Variants in EXOC6B observed in about 807,000 individuals in gnomAD.
EXOC6B encodes exocyst complex component 6B, also known as SEC15 homolog B.
EXOC6B carries 54 observed loss-of-function variants against 113.5 expected under a neutral mutation model. That is an observed-to-expected ratio of 0.48 (90% CI 0.38 to 0.60). The LOEUF (loss-of-function observed/expected upper bound fraction) is 0.60. Ranked by LOEUF, EXOC6B falls within the 20% of genes least tolerant of loss-of-function variation. The pLI, the probability that EXOC6B is intolerant of heterozygous loss-of-function variation, is 0.00. For missense variants in EXOC6B, 797 were observed against 977.5 expected (o/e 0.82, Z 2.46); for synonymous variants, 357 against 339.0 (o/e 1.05, Z -0.58).
intron 19 of EXOC6B, among the ~76,000 whole-genome samples, chr2:72,356,594 T>C (rs575750108): frequency 6.6e-6 from 1 of 152,274 alleles, no homozygotes; most frequent in Non-Finnish European, 1.5e-5. Context: ...GTAAACAGTA[T>C]AAGGCAGACT....
chr2:72,197,003 G>T (rs557482898), intron 20 of EXOC6B, among the ~76,000 whole-genome samples: 1 of 152,146 alleles, frequency 6.6e-6, no homozygotes, highest in Non-Finnish European at 1.5e-5. Context: ...CTGCCAAAAA[G>T]TTGGGCATGA....
intron 20 of EXOC6B, among the ~76,000 whole-genome samples, chr2:72,213,607 C>A (rs1469395868): frequency 6.6e-6 from 1 of 152,134 alleles, no homozygotes; most frequent in Non-Finnish European, 1.5e-5. Context: ...GATAGGGAGC[C>A]TTCAAGGTGT....
chr2:72,464,937 C>T (rs1055924612), intron 18 of EXOC6B: 4 of 566,596 alleles, frequency 7.1e-6, no homozygotes, highest in African/African-American at 1.9e-5. Context: ...GATAAGCAGA[C>T]ATAATACCAG....
chr2:72,260,111 GA>G (rs1413624889), intron 20 of EXOC6B, among the ~76,000 whole-genome samples: 1 of 152,000 alleles, frequency 6.6e-6, no homozygotes, highest in East Asian at 1.9e-4. Context: ...GAGAAAGAAA[GA>G]AAATGTAGCA....
At chr2:72,758,429 C>A (rs1461402509) in intron 1 of EXOC6B, among the ~76,000 whole-genome samples, 1 of 151,364 alleles carries the variant, frequency 6.6e-6, no homozygotes, top group Non-Finnish European at 1.5e-5. Context: ...AGTCCACTTA[C>A]AAGATATGCA....
At chr2:72,462,655 G>A (rs1697771555) in intron 18 of EXOC6B, 1 of 151,974 alleles carries the variant, frequency 6.6e-6, no homozygotes, top group South Asian at 2.1e-4. Context: ...TGAATCTGCT[G>A]ACATCTTAAT....
intron 7 of EXOC6B, among the ~76,000 whole-genome samples, chr2:72,574,290 TAATGACAATAG>T (rs1704693052): frequency 6.6e-6 from 1 of 152,056 alleles, no homozygotes; most frequent in Non-Finnish European, 1.5e-5. Flanking sequence ...GAGGCAGGCA[TAATGACAATAG>T]AGATACATAA....
At chr2:72,273,540 C>G (rs1363768056) in intron 20 of EXOC6B, among the ~76,000 whole-genome samples, 1 of 152,048 alleles carries the variant, frequency 6.6e-6, no homozygotes, top group African/African-American at 2.4e-5. Flanking sequence ...CTGGGAGAGT[C>G]AGGGAAAGGT....
At chr2:72,292,535 TTGTGTGTG>T (rs142332997) in intron 20 of EXOC6B, among the ~76,000 whole-genome samples, 1 of 134,056 alleles carries the variant, frequency 7.5e-6, no homozygotes, top group South Asian at 2.4e-4. Context: ...CATGCACGCT[TTGTGTGTG>T]TGTGTGTGTG....
chr2:72,433,831 C>A (rs1695692093), intron 18 of EXOC6B, among the ~76,000 whole-genome samples: 1 of 152,156 alleles, frequency 6.6e-6, no homozygotes, highest in East Asian at 1.9e-4. Context: ...TCTAAATATA[C>A]AATCATGACA....
intron 18 of EXOC6B, among the ~76,000 whole-genome samples, chr2:72,428,119 CCT>C (rs2105287821): frequency 6.6e-6 from 1 of 152,334 alleles, no homozygotes; most frequent in South Asian, 2.1e-4. Flanking sequence ...AGCTCCTCTT[CCT>C]CTTGGTCACC....
At chr2:72,313,863 T>A (rs1216474953) in intron 20 of EXOC6B, among the ~76,000 whole-genome samples, 1 of 152,216 alleles carries the variant, frequency 6.6e-6, no homozygotes, top group African/African-American at 2.4e-5. Context: ...GTCATAGATT[T>A]AGCAATTAAA....
intron 6 of EXOC6B, among the ~76,000 whole-genome samples, chr2:72,692,709 A>G (rs778588806): frequency 5.3e-5 from 8 of 152,200 alleles, no homozygotes; most frequent in Non-Finnish European, 1.2e-4. Flanking sequence ...GCTTCCTTTT[A>G]GTAATTGACC....
chr2:72,734,008 C>A lies in EXOC6B; in HGVS notation c.280-890G>T, dbSNP rs566031571. Among the ~76,000 whole-genome samples the A allele has an allele frequency of 2.0e-5, 3 of 152,240 alleles. No homozygotes were observed. In the South Asian group the frequency reaches 6.2e-4, roughly 32 times the overall value. On this transcript the variant is annotated intron_variant, in intron 2 of 21. Coordinates refer to ENST00000272427, the MANE Select transcript of EXOC6B (RefSeq NM_015189.3). ...CCATGCACATGCGAGCACACACAGT[C>A]TCACAGACATAAACACACACACAAA... is the stretch of plus-strand genomic sequence containing the variant.
At chr2:72,682,583 C>A (rs1184654738) in intron 6 of EXOC6B, among the ~76,000 whole-genome samples, 1 of 151,888 alleles carries the variant, frequency 6.6e-6, no homozygotes, top group Non-Finnish European at 1.5e-5. Flanking sequence ...ATCAGAGTGA[C>A]CATAAAGGGA....
chr2:72,671,749 G>GAGAGAGAAAGAA (rs892398541), intron 6 of EXOC6B, among the ~76,000 whole-genome samples: 2 of 96,590 alleles, frequency 2.1e-5, no homozygotes, highest in African/African-American at 9.5e-5. Context: ...GAGAGAGACA[G>GAGAGAGAAAGAA]AGAAAGAAAG....
chr2:72,239,605 A>G (rs967915263), intron 20 of EXOC6B, among the ~76,000 whole-genome samples: 1 of 152,238 alleles, frequency 6.6e-6, no homozygotes, highest in African/African-American at 2.4e-5. Context: ...TTTGAAATCA[A>G]GAAGTGTGAA....
chr2:72,713,034 C>G (rs1029096413), intron 6 of EXOC6B, among the ~76,000 whole-genome samples: 10 of 152,226 alleles, frequency 6.6e-5, no homozygotes, highest in African/African-American at 2.4e-4. Flanking sequence ...GAACAACAAA[C>G]AGTTTGAGAT....
At chr2:72,595,495 C>G (rs932268998) in intron 6 of EXOC6B, among the ~76,000 whole-genome samples, 2 of 150,582 alleles carry the variant, frequency 1.3e-5, no homozygotes, top group Non-Finnish European at 3.0e-5. Flanking sequence ...AATATGAATA[C>G]TACAGAAAAA....
Sources: allele counts gnomAD v4.1 joint callset (sites outside exome capture counted in the v4.1 genomes callset), GRCh38; gene constraint gnomAD v4.1.1; transcripts MANE v1.5; gene names NCBI Gene and HGNC (gene_info 2026-07-23, HGNC 2026-07-21).